NAA38: variants seen among roughly 807,000 people sequenced by gnomAD.
NAA38 encodes LSM domain containing 1.
A neutral mutation model predicts 12.6 loss-of-function variants in NAA38; 15 were observed. The observed-to-expected ratio is 1.19, with a 90% CI of 0.79 to 1.83. The LOEUF (loss-of-function observed/expected upper bound fraction) is 1.83, where lower values mean the gene tolerates loss of function less well. Among genes scored for constraint, NAA38 ranks in the 40% most tolerant of loss-of-function variants. The pLI is 0.00. For synonymous variants in NAA38, 88 were observed against 69.9 expected (o/e 1.26, Z -1.29); for missense variants, 183 against 171.7 (o/e 1.07, Z -0.37).
chr17:7,877,025 A>G, intron 2 of NAA38: 1 of 368,450 alleles, frequency 2.7e-6, no homozygotes, highest in Non-Finnish European at 5.3e-6. Context: ...ACATCTACTG[A>G]TTGTACTTTG....
intron 2 of NAA38, among the ~76,000 whole-genome samples, chr17:7,882,182 C>T (rs182182732): frequency 2.0e-5 from 3 of 152,090 alleles, no homozygotes; most frequent in South Asian, 2.1e-4. Context: ...TTTAGCCACC[C>T]GCACCTGCAG....
chr17:7,881,892 A>G (rs1967278912), intron 2 of NAA38, among the ~76,000 whole-genome samples: 1 of 151,404 alleles, frequency 6.6e-6, no homozygotes, highest in South Asian at 2.1e-4. Context: ...AAGCAGACAG[A>G]CAACCAGAGA....
chr17:7,857,790 G>T (rs1041609245), upstream of NAA38: 1 of 1,298,048 alleles, frequency 7.7e-7, no homozygotes, highest in Non-Finnish European at 9.8e-7. Context: ...CAGAGAGATA[G>T]TCTGTCCTAA....
intron 3 of NAA38, chr17:7,863,777 CACA>C (rs1008359779): frequency 6.6e-6 from 1 of 152,142 alleles, no homozygotes; most frequent in Non-Finnish European, 1.5e-5. Flanking sequence ...CACACACATA[CACA>C]ACAATACTTT....
chr17:7,859,345 C>T (rs148163823), upstream of NAA38: 72 of 1,563,528 alleles, frequency 4.6e-5, no homozygotes, highest in African/African-American at 9.1e-4. Flanking sequence ...ATACTCCATC[C>T]AGAATTCTGG....
At chr17:7,869,301 A>T (rs1186184610) in intron 2 of NAA38, among the ~76,000 whole-genome samples, 1 of 152,208 alleles carries the variant, frequency 6.6e-6, no homozygotes, top group Non-Finnish European at 1.5e-5. Context: ...CAGAGCTTGG[A>T]TTCCAGGTGC....
chr17:7,883,479 G>A (rs924841399), intron 1 of NAA38: 2 of 152,136 alleles, frequency 1.3e-5, no homozygotes, highest in African/African-American at 4.8e-5. Context: ...GGAGGGGAAA[G>A]CGAGGGAAAG....
At chr17:7,866,309 C>T (rs1294505797) in intron 3 of NAA38, among the ~76,000 whole-genome samples, 1 of 138,602 alleles carries the variant, frequency 7.2e-6, no homozygotes, top group African/African-American at 2.8e-5. Flanking sequence ...GGGGTTTTAC[C>T]GTGTTAGCCA....
chr17:7,884,781 G>A, intron 1 of NAA38: 1 of 407,648 alleles, frequency 2.5e-6, no homozygotes, highest in Non-Finnish European at 4.1e-6. Context: ...TGGGTGGGGG[G>A]GTGGTGGGGG....
intron 2 of NAA38, among the ~76,000 whole-genome samples, chr17:7,871,567 T>C (rs1217147050): frequency 6.6e-6 from 1 of 152,190 alleles, no homozygotes; most frequent in Non-Finnish European, 1.5e-5. Context: ...TGTAATACAA[T>C]ACTGGAGTAA....
At chr17:7,859,408 A>C (rs1188068874), upstream of NAA38, 1 of 1,614,104 alleles carries the variant, frequency 6.2e-7, no homozygotes, top group East Asian at 2.2e-5. Context: ...CCATATGGGA[A>C]ATCCTACACC....
chr17:7,884,769 G>A (rs1287052946), intron 1 of NAA38: 3 of 323,666 alleles, frequency 9.3e-6, no homozygotes, highest in East Asian at 4.9e-5. Context: ...GCGGGCGGGC[G>A]GTGGGTGGGG....
upstream of NAA38, chr17:7,857,893 C>T (rs1567812142): frequency 7.1e-6 from 10 of 1,404,456 alleles, no homozygotes; most frequent in Non-Finnish European, 9.3e-6. Flanking sequence ...AACTCAATTA[C>T]TTGATCCTTA....
chr17:7,858,473 C>T (rs754283269), upstream of NAA38: 3 of 1,614,188 alleles, frequency 1.9e-6, no homozygotes, highest in East Asian at 4.5e-5. Context: ...ATCCAAAGAC[C>T]AGAGACGTGA....
intron 1 of NAA38, chr17:7,884,847 AGAT>A: frequency 9.5e-7 from 1 of 1,049,094 alleles, no homozygotes; most frequent in South Asian, 1.7e-5. Context: ...GAGGAGGAGG[AGAT>A]GGTGGTGTCG....
intron 3 of NAA38, chr17:7,866,363 C>T (rs1966979518): frequency 3.1e-6 from 2 of 645,266 alleles, no homozygotes; most frequent in Non-Finnish European, 2.2e-6. Flanking sequence ...CCGCCTCGGC[C>T]TCCCAGAGTG....
intron 2 of NAA38, among the ~76,000 whole-genome samples, chr17:7,874,853 C>G (rs151094455): frequency 1.1e-4 from 15 of 142,314 alleles, no homozygotes; most frequent in Non-Finnish European, 2.1e-4. Context: ...CCACTGCACT[C>G]CAGCCTCGGC....
intron 3 of NAA38, chr17:7,863,610 G>A (rs978153499): frequency 1.3e-5 from 2 of 152,166 alleles, no homozygotes; most frequent in African/African-American, 4.8e-5. Flanking sequence ...GCAAGTCACA[G>A]GTGGATTACT....
intron 2 of NAA38, among the ~76,000 whole-genome samples, chr17:7,875,632 G>C (rs1339440660): frequency 1.3e-5 from 2 of 152,116 alleles, no homozygotes; most frequent in Non-Finnish European, 2.9e-5. Flanking sequence ...TCACTGTATT[G>C]GCTGGTTTGT....
Sources: allele counts gnomAD v4.1 joint callset (sites outside exome capture counted in the v4.1 genomes callset), GRCh38; gene constraint gnomAD v4.1.1; transcripts MANE v1.5; gene names NCBI Gene and HGNC (gene_info 2026-07-23, HGNC 2026-07-21).